SLIT3: variants seen among roughly 807,000 people sequenced by gnomAD.
The protein encoded by SLIT3 is slit homolog 3 protein.
A neutral mutation model predicts 184.0 loss-of-function variants in SLIT3; 68 were observed. The observed-to-expected ratio is 0.37, with a 90% CI of 0.30 to 0.45. The LOEUF is 0.45. SLIT3 is among the 20% of genes least tolerant of loss of function. The pLI is 1.00. For synonymous variants in SLIT3, 831 were observed against 828.6 expected (o/e 1.00, Z -0.05); for missense variants, 1,707 against 2,026.0 (o/e 0.84, Z 3.02).
intron 4 of SLIT3, among the ~76,000 whole-genome samples, chr5:169,146,427 G>A (rs933963719): frequency 6.6e-6 from 1 of 152,162 alleles, no homozygotes; most frequent in Admixed American, 6.5e-5. Flanking sequence ...GATGCCTCCC[G>A]GGATTCCATC....
chr5:168,875,556 C>T (rs1349880678), intron 5 of SLIT3, among the ~76,000 whole-genome samples: 1 of 151,950 alleles, frequency 6.6e-6, no homozygotes, highest in Non-Finnish European at 1.5e-5. Context: ...ATCACTTGAA[C>T]CCAGGAGGCG....
At chr5:168,799,295 G>T (rs1261878619) in intron 9 of SLIT3, among the ~76,000 whole-genome samples, 1 of 152,224 alleles carries the variant, frequency 6.6e-6, no homozygotes, top group Non-Finnish European at 1.5e-5. Flanking sequence ...CACATTTAGG[G>T]ATGTGTCTGA....
chr5:168,952,246 A>G (rs1241276997), intron 4 of SLIT3, among the ~76,000 whole-genome samples: 2 of 152,172 alleles, frequency 1.3e-5, no homozygotes, highest in African/African-American at 2.4e-5. Flanking sequence ...GCAAAATAGG[A>G]TGCTGTGGGC....
At chr5:168,860,916 A>G (rs1759079899) in intron 5 of SLIT3, among the ~76,000 whole-genome samples, 1 of 152,124 alleles carries the variant, frequency 6.6e-6, no homozygotes, top group Non-Finnish European at 1.5e-5. Flanking sequence ...CCTGCATGAC[A>G]TGCTGTGCCT....
intron 12 of SLIT3, 35 bp downstream of exon 12, chr5:168,785,872 C>T (rs1561931945): frequency 2.0e-6 from 3 of 1,523,336 alleles, no homozygotes; most frequent in East Asian, 2.3e-5. Context: ...TCCGACAGTA[C>T]CAAAGACACC....
At chr5:168,898,002 C>T (rs1760743684) in intron 4 of SLIT3, among the ~76,000 whole-genome samples, 1 of 152,206 alleles carries the variant, frequency 6.6e-6, no homozygotes, top group South Asian at 2.1e-4. Flanking sequence ...TTCCAGTCCC[C>T]CTCAGCTCAG....
intron 26 of SLIT3, chr5:168,706,560 T>C (rs1485608736): frequency 1.3e-5 from 2 of 152,182 alleles, no homozygotes; most frequent in Non-Finnish European, 1.5e-5. Context: ...ATACATAGTA[T>C]AGTTCTCTTT....
At chr5:168,754,635 T>C (rs1041438301) in intron 16 of SLIT3, among the ~76,000 whole-genome samples, 9 of 152,186 alleles carry the variant, frequency 5.9e-5, no homozygotes, top group African/African-American at 2.2e-4. Context: ...TTGAAATACC[T>C]CCAACACAAA....
intron 4 of SLIT3, among the ~76,000 whole-genome samples, chr5:169,140,060 G>A (rs1318906945): frequency 6.6e-6 from 1 of 152,042 alleles, no homozygotes; most frequent in Non-Finnish European, 1.5e-5. Context: ...TCTCTGCAGG[G>A]CCCTAGAACC....
chr5:168,667,432 A>G (rs1048092355), intron 35 of SLIT3, among the ~76,000 whole-genome samples: 1 of 152,228 alleles, frequency 6.6e-6, no homozygotes, highest in Non-Finnish European at 1.5e-5. Flanking sequence ...TTCTCTGGGA[A>G]ATGAGCTGGA....
intron 4 of SLIT3, among the ~76,000 whole-genome samples, chr5:169,152,500 G>T (rs1230001629): frequency 6.6e-6 from 1 of 152,184 alleles, no homozygotes; most frequent in African/African-American, 2.4e-5. Context: ...CTCTTCGGGG[G>T]CAAAGTGTCT....
chr5:169,106,509 G>A (rs1157064956), intron 4 of SLIT3, among the ~76,000 whole-genome samples: 2 of 152,088 alleles, frequency 1.3e-5, no homozygotes, highest in Non-Finnish European at 2.9e-5. Flanking sequence ...TCATTCCAGT[G>A]CCAAAATTGT....
rs1040697077 is a variant in SLIT3 at position 168,789,786 on chromosome 5, A to C, written c.1008-155T>G. The C allele has an allele frequency of 3.6e-5, 22 of 613,812 alleles. 1 individual carries two copies. The highest frequency in any genetic ancestry group is 3.3e-4 in the African/African-American group (18 of 54,292). 38.0% of individuals were successfully genotyped at this position (613,812 alleles called of 1,614,324 possible). On this transcript the variant is annotated intron_variant, in intron 10 of 35. Coordinates refer to ENST00000519560, the MANE Select transcript of SLIT3 (RefSeq NM_003062.4). Reference sequence around the variant, plus strand: ...ACTCATAGTGCAAGAGAAGGAGCTTAAAGAGCCTTCAGTTCAACTACCTCA... The same window carrying C: ...ACTCATAGTGCAAGAGAAGGAGCTTCAAGAGCCTTCAGTTCAACTACCTCA...
At chr5:169,167,337 C>T (rs1417255086) in intron 4 of SLIT3, among the ~76,000 whole-genome samples, 5 of 127,972 alleles carry the variant, frequency 3.9e-5, no homozygotes, top group Non-Finnish European at 7.7e-5. Context: ...TGCAGTGGTG[C>T]GATCTTGGCT....
At chr5:168,869,880 A>G (rs1272553550) in intron 5 of SLIT3, among the ~76,000 whole-genome samples, 1 of 152,212 alleles carries the variant, frequency 6.6e-6, no homozygotes, top group Admixed American at 6.5e-5. Flanking sequence ...GTGCCTGGGG[A>G]CTGCGTACAG....
At chr5:169,194,150 G>A (rs1390024555) in intron 3 of SLIT3, among the ~76,000 whole-genome samples, 7 of 136,712 alleles carry the variant, frequency 5.1e-5, no homozygotes, top group South Asian at 2.2e-4. Context: ...CAGGAGAATC[G>A]CTTGAACCCA....
intron 4 of SLIT3, among the ~76,000 whole-genome samples, chr5:168,985,920 G>A (rs982969382): frequency 2.6e-5 from 4 of 152,132 alleles, no homozygotes; most frequent in Non-Finnish European, 4.4e-5. Context: ...TGGGAGTGCC[G>A]CACTCCCAAG....
intron 4 of SLIT3, among the ~76,000 whole-genome samples, chr5:169,087,522 T>C (rs1010706720): frequency 3.3e-5 from 5 of 152,182 alleles, no homozygotes; most frequent in Non-Finnish European, 7.3e-5. Flanking sequence ...TTTATTTCAG[T>C]GTACAATTAG....
At chr5:168,672,639 C>A (rs1445411247) in intron 33 of SLIT3, among the ~76,000 whole-genome samples, 1 of 152,072 alleles carries the variant, frequency 6.6e-6, no homozygotes, top group Non-Finnish European at 1.5e-5. Flanking sequence ...CTGTGCCCAG[C>A]TAATTTAAAT....
Sources: gnomAD v4.1 joint callset for allele counts (sites outside exome capture counted in the v4.1 genomes callset) on GRCh38, gnomAD v4.1.1 for gene constraint, MANE v1.5 for transcripts, NCBI Gene and HGNC (gene_info 2026-07-23, HGNC 2026-07-21) for gene names.